The following FHAD1 variants were observed in gnomAD, a reference collection of about 807,000 sequenced individuals.
FHAD1 encodes forkhead-associated domain-containing protein 1.
FHAD1 carries 146 observed loss-of-function variants against 191.3 expected under a neutral mutation model. The observed-to-expected ratio is 0.76, with a 90% confidence interval of 0.67 to 0.88. FHAD1 has a LOEUF of 0.88. Ranked by LOEUF, FHAD1 falls within the 40% of genes least tolerant of loss-of-function variation. The probability of loss-of-function intolerance (pLI) is 0.00; values close to 1 mark genes in which losing one functional copy is unlikely to be tolerated. For missense variants in FHAD1, 1,635 were observed against 1,785.8 expected (o/e 0.92, Z 1.52); for synonymous variants, 616 against 672.3 (o/e 0.92, Z 1.29).
intron 28 of FHAD1, 133 bp from the exon 29 acceptor site, chr1:15,380,568 G>T (rs1242343613): frequency 2.1e-5 from 14 of 670,272 alleles, no homozygotes; most frequent in Non-Finnish European, 2.6e-6. Flanking sequence ...GAATCAGACG[G>T]AATGATCAGG....
intron 5 of FHAD1, among the ~76,000 whole-genome samples, chr1:15,298,091 C>A (rs538868276): frequency 6.5e-4 from 99 of 152,264 alleles, no homozygotes; most frequent in African/African-American, 2.3e-3. Flanking sequence ...CTGTTAATAG[C>A]AGCACAATTC....
Position 15,327,423 on chromosome 1 carries a change from C to A in FHAD1, c.1557+281C>A, listed in dbSNP as rs1190699011. On this transcript the variant is annotated intron_variant, in intron 12 of 33. Transcript: ENST00000688493. This position sits in a 1 kb window ranked among gnomAD's most constrained non-coding sequence, Gnocchi z 5.1. ...CATGCATGTTTCGCCTCCATTAGCA[C>A]TGGGAGAAAGGGAGCCGCCTCCCCA... 7 of 332,822 alleles carry A rather than the reference C, an allele frequency of 2.1e-5. No homozygotes were observed. Among genetic ancestry groups the A allele is most frequent in the Non-Finnish European group, 3.8e-5 (7 of 182,400 alleles). The allele number at this position is 332,822 out of a possible 1,614,324, so 20.6% of individuals were successfully genotyped here.
chr1:15,284,433 T>C (rs939725580), intron 3 of FHAD1, among the ~76,000 whole-genome samples: 2 of 147,172 alleles, frequency 1.4e-5, no homozygotes, highest in African/African-American at 2.5e-5. Flanking sequence ...GAGCTGAGAT[T>C]GCGCCACTGC....
upstream of FHAD1, among the ~76,000 whole-genome samples, chr1:15,245,091 T>G (rs118120227): frequency 3.0e-4 from 45 of 152,196 alleles, 1 homozygote; most frequent in East Asian, 8.7e-3. Flanking sequence ...AGGAAACTGA[T>G]AGAGTGAGAA....
intron 7 of FHAD1, among the ~76,000 whole-genome samples, chr1:15,310,537 G>A (rs1230029067): frequency 6.6e-6 from 1 of 152,204 alleles, no homozygotes; most frequent in Non-Finnish European, 1.5e-5. Flanking sequence ...CTGGGCTCAG[G>A]TATGGCCTGG....
chr1:15,349,546 C>T (rs1054584808), intron 19 of FHAD1, among the ~76,000 whole-genome samples: 1 of 152,222 alleles, frequency 6.6e-6, no homozygotes, highest in Non-Finnish European at 1.5e-5. Flanking sequence ...CACAGTAGAG[C>T]GGCATGTGTG....
intron 3 of FHAD1, among the ~76,000 whole-genome samples, chr1:15,285,622 C>T (rs1662165216): frequency 6.6e-6 from 1 of 152,132 alleles, no homozygotes; most frequent in African/African-American, 2.4e-5. Context: ...ACACATCATG[C>T]ACTGGCCCCT....
intron 33 of FHAD1, among the ~76,000 whole-genome samples, chr1:15,392,523 TC>T (rs1436834232): frequency 6.6e-6 from 1 of 151,010 alleles, no homozygotes; most frequent in African/African-American, 2.5e-5. Context: ...ACAGCGAGAC[TC>T]CGTCTCGAAA....
chr1:15,239,448 T>C (rs1368326735), intron 1 of FHAD1, among the ~76,000 whole-genome samples: 1 of 152,010 alleles, frequency 6.6e-6, no homozygotes, highest in Non-Finnish European at 1.5e-5. Context: ...ATTAGCCAGA[T>C]GTGGTGGTGC....
In FHAD1 at chr1:15,345,279, T is replaced by C. The variant is rs1688425534; in HGVS notation, c.2238+89T>C. On this transcript the variant is annotated intron_variant, in intron 17 of 33. Coordinates refer to ENST00000688493, the MANE Select transcript of FHAD1 (RefSeq NM_001391957.1). ...GGCTCTGGTCTGGGCCCGCCGGCTCTGAGCTCCAGGGCTGTGCTGTCCACA... is the reference window on the plus strand; with the variant it reads ...GGCTCTGGTCTGGGCCCGCCGGCTCCGAGCTCCAGGGCTGTGCTGTCCACA... The C allele has an allele frequency of 6.5e-6, 9 of 1,374,888 alleles. No individual in the cohort carries two copies. The Admixed American group carries it at 1.2e-4, about 18-fold the overall frequency. The allele number at this position is 1,374,888 out of a possible 1,614,324, so 85.2% of individuals were successfully genotyped here.
At position 15,329,418 on chromosome 1, in the gene FHAD1, A is replaced by G. The variant is rs1048715899; in HGVS notation, c.1783A>G (p.Ser595Gly). The change falls in exon 14 of 34, where the codon AGC (serine) becomes GGC (glycine). Residue 595 changes from serine (S) to glycine (G), a missense_variant. Ser to Gly is a moderately conservative substitution (Grantham distance 56). Transcript: ENST00000688493. This position sits in a 1 kb window ranked among gnomAD's most constrained non-coding sequence, Gnocchi z 5.0. ...EVDLLQHLQV[S>G]PPVSGLQKVV... ...CGACCTTCTTCAGCACCTCCAGGTG[A>G]GCCCACCTGTCTCGGGGCTCCAGAA... is the stretch of plus-strand genomic sequence containing the variant. 1.9e-6 allele frequency: 3 copies of G among 1,551,254 alleles called. No homozygotes were observed. The highest frequency in any genetic ancestry group is 1.2e-5 in the South Asian group (1 of 84,058).
intron 13 of FHAD1, chr1:15,328,698 A>T: frequency 3.2e-6 from 1 of 316,468 alleles, no homozygotes; most frequent in Non-Finnish European, 5.7e-6. Flanking sequence ...AGCCAAAAAG[A>T]AATTGTTTTC....
intron 23 of FHAD1, among the ~76,000 whole-genome samples, chr1:15,365,031 TC>T (rs1385476697): frequency 6.6e-6 from 1 of 152,282 alleles, no homozygotes; most frequent in East Asian, 1.9e-4. Flanking sequence ...GGGCCACACT[TC>T]CACTGGCTCC....
rs552254483 is a variant in FHAD1, at chr1:15,332,898, G to A, written c.1906+3357G>A. Among the ~76,000 whole-genome samples the A allele has an allele frequency of 3.3e-5, 5 of 152,232 alleles. No homozygotes were observed. In the South Asian group the frequency reaches 8.3e-4, roughly 25 times the overall value. On this transcript the variant is annotated intron_variant, in intron 14 of 33. Transcript: ENST00000688493. ...TGCAGAATCCCTCCCTTGTTAACAC[G>A]CACCCTGGGTCAACAAGAAGGGGAT...
intron 4 of FHAD1, among the ~76,000 whole-genome samples, chr1:15,292,853 G>C (rs1229021856): frequency 6.6e-6 from 1 of 152,196 alleles, no homozygotes. Flanking sequence ...AGTTTGGGAG[G>C]CTGAGGCAGG....
At chr1:15,293,599 T>TC (rs1270912970) in intron 4 of FHAD1, among the ~76,000 whole-genome samples, 2 of 152,060 alleles carry the variant, frequency 1.3e-5, no homozygotes, top group African/African-American at 4.8e-5. Flanking sequence ...GCACCTGTAA[T>TC]CCCAGCTACT....
chr1:15,247,882 T>C (rs1203831164), intron 1 of FHAD1, among the ~76,000 whole-genome samples: 1 of 152,208 alleles, frequency 6.6e-6, no homozygotes, highest in Non-Finnish European at 1.5e-5. Context: ...TGCAGATGCC[T>C]GAAGCTCTTT....
At chr1:15,305,391 T>C (rs1670136129) in intron 6 of FHAD1, among the ~76,000 whole-genome samples, 1 of 152,154 alleles carries the variant, frequency 6.6e-6, no homozygotes, top group Non-Finnish European at 1.5e-5. Context: ...CTCAGGCTGT[T>C]AATGCTGGTT....
intron 1 of FHAD1, among the ~76,000 whole-genome samples, chr1:15,239,770 T>A (rs4661613): frequency 0.85 from 129,287 of 152,164 alleles, 55,297 homozygotes; most frequent in East Asian, 0.95. Context: ...CTTCTGTAAG[T>A]AGAGAGGGGA....
Sources: gnomAD v4.1 joint callset for allele counts (sites outside exome capture counted in the v4.1 genomes callset) on GRCh38, gnomAD v4.1.1 for gene constraint, Gnocchi (gnomAD v3.1) non-coding constraint, MANE v1.5 for transcripts, NCBI Gene and HGNC (gene_info 2026-07-23, HGNC 2026-07-21) for gene names.